MOCS1: variants seen among roughly 807,000 people sequenced by gnomAD.
The protein encoded by MOCS1 is molybdenum cofactor synthesis 1.
A neutral mutation model predicts 57.6 loss-of-function variants in MOCS1; 39 were observed. That is an observed-to-expected ratio of 0.68 (90% confidence interval 0.52 to 0.88). The LOEUF (loss-of-function observed/expected upper bound fraction) is 0.88, where lower values mean the gene tolerates loss of function less well. MOCS1 is among the 40% of genes least tolerant of loss of function. MOCS1 has a pLI of 0.00. For missense variants in MOCS1, 795 were observed against 831.1 expected (o/e 0.96, Z 0.53); for synonymous variants, 334 against 335.7 (o/e 1.00, Z 0.05).
chr6:39,920,919 C>CA (rs2149412773), intron 3 of MOCS1, among the ~76,000 whole-genome samples: 1 of 150,860 alleles, frequency 6.6e-6, no homozygotes, highest in South Asian at 2.1e-4. Context: ...GTTGAGGCTG[C>CA]AGTGAGCTGT....
At position 39,920,069 on chromosome 6, in the gene MOCS1, A is replaced by G. The variant is rs57992245; in HGVS notation, c.419-3837T>C. Among the ~76,000 whole-genome samples the G allele has an allele frequency of 0.011, 1,613 of 152,342 alleles. 167 individuals are homozygous for G. The East Asian group carries it at 0.24, about 23-fold the overall frequency. On this transcript the variant is annotated intron_variant, in intron 3 of 10. Coordinates refer to ENST00000340692, the MANE Select transcript of MOCS1 (RefSeq NM_001358530.2). ...AACATATATAAAGAACCTGTACCAA[A>G]TAAGTACGAAAGGACAAAGAACCAA... is the stretch of plus-strand genomic sequence containing the variant.
rs1041903662 is a variant in MOCS1, at chr6:39,905,253, T to C, written c.*1104A>G. ...CTCTGATCTCTCTAATAGCTGGTAA[T>C]GCAAGCAATGAGCTTTGAACACCCC... is the stretch of plus-strand genomic sequence containing the variant. On this transcript the variant is annotated 3_prime_UTR_variant, in exon 11 of 11. Coordinates refer to ENST00000340692, the MANE Select transcript of MOCS1 (RefSeq NM_001358530.2). The C allele has an allele frequency of 1.8e-5, 8 of 454,272 alleles. No individual in the cohort carries two copies. Among genetic ancestry groups the C allele is most frequent in the African/African-American group, 1.2e-4 (6 of 50,006 alleles). 28.1% of individuals were successfully genotyped at this position (454,272 alleles called of 1,614,324 possible).
At position 39,934,304 on chromosome 6, in the gene MOCS1, A is replaced by T. The variant is rs1180552342; in HGVS notation, c.114T>A (p.Ala38=). Residue 38 remains alanine, a synonymous_variant, in exon 1 of 11, where the codon GCT becomes GCA. Transcript: ENST00000340692. ...TQPCPGESAR[A]ASEEVSRRRQ... ...GGCGGGGTGGGCTCACCTCCGAGGC[A>T]GCTCGCGCGGACTCCCCGGGGCAGG... 1 of 1,545,680 alleles carries T rather than the reference A, an allele frequency of 6.5e-7. No individual in the cohort carries two copies. Among genetic ancestry groups the T allele is most frequent in the South Asian group, 1.2e-5 (1 of 84,336 alleles).
chr6:39,913,416 C>A lies in MOCS1; in HGVS notation c.658G>T (p.Val220Leu). The A allele has an allele frequency of 6.2e-7, 1 of 1,614,164 alleles. No individual in the cohort carries two copies. Among genetic ancestry groups the A allele is most frequent in the Non-Finnish European group, 8.5e-7 (1 of 1,179,982 alleles). ...TCATCCTCGTTAAGGCCTCGCATCA[C>A]CACACAGTTCACCTGGCCGGGGAAC... ...GYNPVKVNCV[V>L]MRGLNEDELL... The change falls in exon 6 of 11, where the codon GTG (valine) becomes TTG (leucine). Residue 220 changes from valine to leucine, a missense_variant. Coordinates refer to ENST00000340692, the MANE Select transcript of MOCS1 (RefSeq NM_001358530.2).
In MOCS1 at chr6:39,906,828, T is replaced by G. The variant is rs1380301156; in HGVS notation, c.1440A>C (p.Glu480Asp). 6.2e-7 allele frequency: 1 copy of G among 1,614,180 alleles called. No individual in the cohort carries two copies. The highest frequency in any genetic ancestry group is 2.2e-5 in the East Asian group (1 of 44,870). Residue 480 changes from glutamate (E) to aspartate (D), a missense_variant, in exon 11 of 11, where the codon GAA becomes GAC. This residue lies in a region of MOCS1 where 374 missense variants were observed against 422.6 expected (regional missense o/e 0.89). Coordinates refer to ENST00000340692, the MANE Select transcript of MOCS1 (RefSeq NM_001358530.2). ...CTTCCGAGTCCACATGAGTTAGTTGTTCTGAGGTTAGCTGGGGTCCTGAGG... is the reference window on the plus strand; with the variant it reads ...CTTCCGAGTCCACATGAGTTAGTTGGTCTGAGGTTAGCTGGGGTCCTGAGG... ...AAPSGPQLTS[E>D]QLTHVDSEGR...
intron 5 of MOCS1, 79 bp downstream of exon 5, chr6:39,913,695 G>A (rs1253038146): frequency 1.3e-6 from 2 of 1,492,178 alleles, no homozygotes; most frequent in Non-Finnish European, 9.3e-7. Flanking sequence ...GGGCTCTCAA[G>A]TGGGCCAAGG....
chr6:39,933,331 CAG>C (rs1455922131), intron 1 of MOCS1, among the ~76,000 whole-genome samples: 3 of 152,072 alleles, frequency 2.0e-5, no homozygotes, highest in Non-Finnish European at 4.4e-5. Flanking sequence ...CAATGATGTT[CAG>C]AGTTTGAGGA....
In MOCS1 at chr6:39,916,220, C is replaced by T. The variant is rs138822116; in HGVS notation, c.431G>A (p.Arg144Gln). ...DVVDIVAQLQ[R>Q]LEGLRTIGVT... ...ACCTATGGTTCTCAGCCCTTCCAGC[C>T]GCTGGAGCTGGGCTGTAAGGACAAC... Residue 144 changes from arginine to glutamine, a missense_variant, in exon 4 of 11, where the codon CGG (arginine) becomes CAG (glutamine). This residue lies in a region of MOCS1 where 416 missense variants were observed against 392.4 expected (regional missense o/e 1.06). Transcript: ENST00000340692. 8.1e-5 allele frequency: 130 copies of T among 1,613,676 alleles called. No individual in the cohort carries two copies. In the African/African-American group the frequency reaches 9.5e-4, roughly 12 times the overall value.
rs531845647 is a variant in MOCS1 at position 39,904,196 on chromosome 6, A to G, written c.*2161T>C. On this transcript the variant is annotated 3_prime_UTR_variant, in exon 11 of 11. Coordinates refer to ENST00000340692, the MANE Select transcript of MOCS1 (RefSeq NM_001358530.2). ...TCAAGATACATTTGATCTTCAGAAA[A>G]GCAGAATTTGGTTCAACTGTTGACA... 1.9e-4 allele frequency: 87 copies of G among 456,750 alleles called. No homozygotes were observed. In the East Asian group the frequency reaches 5.0e-3, roughly 26 times the overall value. 28.3% of individuals were successfully genotyped at this position (456,750 alleles called of 1,614,324 possible).
At position 39,913,428 on chromosome 6, in the gene MOCS1, C is replaced by T. The variant is rs201334190; in HGVS notation, c.646G>A (p.Val216Met). 283 of 1,613,818 alleles carry T rather than the reference C, an allele frequency of 1.8e-4. No individual in the cohort carries two copies. Among genetic ancestry groups the T allele is most frequent in the Non-Finnish European group, 2.3e-4 (270 of 1,179,810 alleles). Residue 216 changes from valine (V) to methionine (M), a missense_variant and splice_region_variant, in exon 6 of 11, where the codon GTG becomes ATG. This residue lies in a region of MOCS1 where 416 missense variants were observed against 392.4 expected (regional missense o/e 1.06). Transcript: ENST00000340692. ...AIELGYNPVK[V>M]NCVVMRGLNE... ...AGGCCTCGCATCACCACACAGTTCA[C>T]CTGGCCGGGGAACAATGGGACCATG... is the stretch of plus-strand genomic sequence containing the variant.
intron 1 of MOCS1, among the ~76,000 whole-genome samples, chr6:39,931,265 C>CCCT (rs1404663175): frequency 6.6e-6 from 1 of 152,152 alleles, no homozygotes; most frequent in Non-Finnish European, 1.5e-5. Flanking sequence ...CCTCAAGGTG[C>CCCT]CCTCCTCTAC....
rs779576648 is a variant in MOCS1 at position 39,912,939 on chromosome 6, A to G, written c.823T>C (p.Trp275Arg). Residue 275 changes from tryptophan (W) to arginine (R), a missense_variant, in exon 7 of 11, where the codon TGG (tryptophan) becomes CGG (arginine). This residue lies in a region of MOCS1 where 416 missense variants were observed against 392.4 expected (regional missense o/e 1.06). Coordinates refer to ENST00000340692, the MANE Select transcript of MOCS1 (RefSeq NM_001358530.2). ...KEMLDTVRQQ[W>R]PELEKVPEEE... ...TCTGGCACCTTCTCCAGCTCTGGCC[A>G]CTGCTGCCGGACAGTGTCTAGCATC... 3.5e-5 allele frequency: 57 copies of G among 1,614,092 alleles called. No individual in the cohort carries two copies. Among genetic ancestry groups the G allele is most frequent in the Non-Finnish European group, 4.7e-5 (56 of 1,180,010 alleles).
rs11968491 is a variant in MOCS1 at position 39,905,533 on chromosome 6, G to C, written c.*824C>G. 33,524 of 471,074 alleles carry C rather than the reference G, an allele frequency of 0.071. 1,500 individuals carry two copies. Among genetic ancestry groups the C allele is most frequent in the South Asian group, 0.095 (6,108 of 64,570 alleles). 29.2% of individuals were successfully genotyped at this position (471,074 alleles called of 1,614,324 possible). ...CTTCATTCTTGCATCTGCAAAGTTG[G>C]CATCGTAGCTTTATTTGTGCGCTGT... On this transcript the variant is annotated 3_prime_UTR_variant, in exon 11 of 11. Transcript: ENST00000340692.
chr6:39,932,087 C>T (rs1389067371), intron 1 of MOCS1, among the ~76,000 whole-genome samples: 1 of 152,136 alleles, frequency 6.6e-6, no homozygotes, highest in Admixed American at 6.6e-5. Flanking sequence ...CCCACTTAAC[C>T]TCACTTCTCT....
chr6:39,907,854 T>A (rs1484901940), intron 10 of MOCS1, among the ~76,000 whole-genome samples: 3 of 152,178 alleles, frequency 2.0e-5, no homozygotes, highest in African/African-American at 7.2e-5. Context: ...CACATGCACA[T>A]GAAATTCTGA....
chr6:39,926,025 C>G (rs560250683), intron 2 of MOCS1, among the ~76,000 whole-genome samples, 180 bp from the exon 3 acceptor site: 1 of 152,214 alleles, frequency 6.6e-6, no homozygotes, highest in Admixed American at 6.5e-5. Context: ...CCAGGCCTCA[C>G]CTTTCTCATT....
Position 39,906,159 on chromosome 6 carries a change from T to C in MOCS1, c.*198A>G. ...TAAGGGCCTGCTGGTATCCTCCCTA[T>C]AGAAAGGAAGCCCCATTGGTCATTA... On this transcript the variant is annotated 3_prime_UTR_variant, in exon 11 of 11. Coordinates refer to ENST00000340692, the MANE Select transcript of MOCS1 (RefSeq NM_001358530.2). 1 of 751,054 alleles carries C rather than the reference T, an allele frequency of 1.3e-6. No individual in the cohort carries two copies. Among genetic ancestry groups the C allele is most frequent in the Non-Finnish European group, 2.3e-6 (1 of 426,432 alleles). The allele number at this position is 751,054 out of a possible 1,614,324, so 46.5% of individuals were successfully genotyped here. A position where few individuals can be genotyped will look rare whatever the true frequency, so the allele number is the denominator to read the frequency against.
rs1477137933 is a variant in MOCS1, at chr6:39,934,421, G to A, written c.-4C>T. 3.8e-6 allele frequency: 6 copies of A among 1,567,824 alleles called. No homozygotes were observed. The highest frequency in any genetic ancestry group is 1.8e-5 in the Admixed American group (1 of 55,074). On this transcript the variant is annotated 5_prime_UTR_variant, in exon 1 of 11. Transcript: ENST00000340692. ...GGGACAGTGGCCGCGCCGCCATGAA[G>A]CCTGATACGAGCGGAACCGCAGCCC...
At position 39,925,832 on chromosome 6, in the gene MOCS1, C is replaced by T. The variant is rs144238782; in HGVS notation, c.264G>A (p.Met88Ile). The T allele has an allele frequency of 3.4e-4, 555 of 1,612,200 alleles. No homozygotes were observed. Among genetic ancestry groups the T allele is most frequent in the Non-Finnish European group, 4.5e-4 (531 of 1,179,626 alleles). Residue 88 changes from methionine (M) to isoleucine (I), a missense_variant, in exon 3 of 11, where the codon ATG becomes ATA. Physicochemically the swap from Met to Ile is conservative, Grantham distance 10. Transcript: ENST00000340692. ...GGGTCAGCGGGACCCCCTCCTCGGG[C>T]ATGCAGTACTGACCTGAGGGAAGGA... ...EKCNLRCQYC[M>I]PEEGVPLTPK... is the part of the protein sequence containing the mutation.
Sources: gnomAD v4.1 joint callset for allele counts (sites outside exome capture counted in the v4.1 genomes callset) on GRCh38, gnomAD v4.1.1 for gene constraint, gnomAD v4.1.1 regional missense constraint, MANE v1.5 for transcripts, NCBI Gene and HGNC (gene_info 2026-07-23, HGNC 2026-07-21) for gene names.